OXR1: variants seen among roughly 807,000 people sequenced by gnomAD.
The protein encoded by OXR1 is oxidation resistance 1, also known as oxidation resistance protein 1.
OXR1 carries 41 observed loss-of-function variants against 104.6 expected under a neutral mutation model. The observed-to-expected ratio is 0.39, with a 90% CI of 0.31 to 0.51. OXR1 has a LOEUF of 0.51. Among genes scored for constraint, OXR1 ranks in the 20% least tolerant of loss-of-function variants. The pLI is 0.77. For missense variants in OXR1, 955 were observed against 1,031.9 expected (o/e 0.93, Z 1.02); for synonymous variants, 348 against 348.4 (o/e 1.00, Z 0.01).
chr8:106,347,956 A>G (rs13262796), intron 1 of OXR1, among the ~76,000 whole-genome samples: 54,524 of 151,850 alleles, frequency 0.36, 10,111 homozygotes, highest in Admixed American at 0.44. Flanking sequence ...AAATATGTAC[A>G]AAATGTATAA....
chr8:106,589,382 A>G (rs931207715), intron 3 of OXR1, among the ~76,000 whole-genome samples: 1 of 125,094 alleles, frequency 8.0e-6, no homozygotes, highest in Non-Finnish European at 1.7e-5. Context: ...GTGAACATTT[A>G]TTTTTATGCC....
intron 7 of OXR1, among the ~76,000 whole-genome samples, chr8:106,694,964 A>G (rs1352096504): frequency 7.1e-6 from 1 of 141,728 alleles, no homozygotes; most frequent in Non-Finnish European, 1.5e-5. Flanking sequence ...ATATATATTT[A>G]CATGTATATT....
chr8:106,432,255 G>T (rs1425900084), intron 2 of OXR1, among the ~76,000 whole-genome samples: 1 of 152,082 alleles, frequency 6.6e-6, no homozygotes, highest in African/African-American at 2.4e-5. Flanking sequence ...CAGCCAGATT[G>T]ATCCTTCAAA....
At chr8:106,683,791 A>G (rs1430239853) in intron 5 of OXR1, among the ~76,000 whole-genome samples, 1 of 152,170 alleles carries the variant, frequency 6.6e-6, no homozygotes, top group Non-Finnish European at 1.5e-5. Context: ...ATGGTATTAC[A>G]TTGTATTGAT....
chr8:106,348,048 T>A (rs1815569516), intron 1 of OXR1, among the ~76,000 whole-genome samples: 1 of 152,192 alleles, frequency 6.6e-6, no homozygotes, highest in Non-Finnish European at 1.5e-5. Context: ...GAGCTAGATT[T>A]TGCAAGACTA....
chr8:106,287,775 T>G (rs1812561418), intron 1 of OXR1, among the ~76,000 whole-genome samples: 1 of 152,220 alleles, frequency 6.6e-6, no homozygotes, highest in Non-Finnish European at 1.5e-5. Flanking sequence ...AGTTCTGACC[T>G]TTGTATCTAT....
intron 2 of OXR1, among the ~76,000 whole-genome samples, chr8:106,410,763 A>G (rs1463803120): frequency 6.6e-6 from 1 of 152,148 alleles, no homozygotes; most frequent in Non-Finnish European, 1.5e-5. Context: ...GTGTATAACA[A>G]GCAACTTTAA....
At chr8:106,699,385 T>C (rs1340080382) in intron 7 of OXR1, among the ~76,000 whole-genome samples, 1 of 152,166 alleles carries the variant, frequency 6.6e-6, no homozygotes, top group African/African-American at 2.4e-5. Context: ...CTGGGTTGTT[T>C]GTTTGTTTTG....
chr8:106,596,051 G>T (rs376570584), intron 3 of OXR1, among the ~76,000 whole-genome samples: 1 of 151,648 alleles, frequency 6.6e-6, no homozygotes, highest in Non-Finnish European at 1.5e-5. Flanking sequence ...TTCTACTGAC[G>T]CTTCTTTTCT....
At chr8:106,443,714 A>C (rs1819889222) in intron 2 of OXR1, among the ~76,000 whole-genome samples, 1 of 152,126 alleles carries the variant, frequency 6.6e-6, no homozygotes, top group African/African-American at 2.4e-5. Context: ...GTTTTATAAG[A>C]GACTAGGATT....
chr8:106,530,579 G>A (rs898130646), intron 3 of OXR1, among the ~76,000 whole-genome samples: 2 of 152,172 alleles, frequency 1.3e-5, no homozygotes, highest in African/African-American at 4.8e-5. Flanking sequence ...GTAAAAACCA[G>A]ACACAACTGG....
intron 2 of OXR1, among the ~76,000 whole-genome samples, chr8:106,495,105 T>C (rs187820133): frequency 2.9e-3 from 437 of 152,076 alleles, no homozygotes; most frequent in African/African-American, 9.6e-3. Context: ...TGAATATAGG[T>C]ATTGGTAATA....
chr8:106,705,185 G>A (rs529493534), intron 8 of OXR1, among the ~76,000 whole-genome samples: 2 of 152,138 alleles, frequency 1.3e-5, no homozygotes, highest in South Asian at 4.1e-4. Context: ...TAAATGTACA[G>A]ATAAAATTTC....
intron 1 of OXR1, among the ~76,000 whole-genome samples, chr8:106,293,651 G>C (rs1396443484): frequency 6.6e-6 from 1 of 152,206 alleles, no homozygotes; most frequent in Non-Finnish European, 1.5e-5. Flanking sequence ...AGGCTGGAAA[G>C]TCCAAGATCA....
chr8:106,561,446 T>G (rs1789972), intron 3 of OXR1, among the ~76,000 whole-genome samples: 143,356 of 152,196 alleles, frequency 0.94, 67,606 homozygotes, highest in East Asian at 1. Flanking sequence ...TCTGGGCAGG[T>G]CATCTCTGAA....
chr8:106,442,649 G>A lies in OXR1; in HGVS notation c.24-76294G>A, dbSNP rs1424992992. ...TTCTTCCTGGTTTAGTCTTGATAGG[G>A]TGTATGCGTCCAGGAATTTATCCAT... On this transcript the variant is annotated intron_variant, in intron 2 of 16. Coordinates refer to ENST00000517566, the MANE Select transcript of OXR1 (RefSeq NM_001198533.2). 5.9e-5 allele frequency among the ~76,000 whole-genome samples: 9 copies of A among 152,124 alleles called. No individual in the cohort carries two copies. In the South Asian group the frequency reaches 1.4e-3, roughly 25 times the overall value.
chr8:106,707,080 A>G lies in OXR1; in HGVS notation c.1559A>G (p.Asn520Ser). The change falls in exon 9 of 17, where the codon AAT becomes AGT. Residue 520 changes from asparagine (N) to serine (S), a missense_variant. This residue lies in a region of OXR1 where 849 missense variants were observed against 852.9 expected (regional missense o/e 1.00). Transcript: ENST00000517566. ...TMQQTKQQRE[N>S]IQQVSQKEAK... Reference sequence around the variant, plus strand: ...CAACAAACTAAACAGCAAAGGGAAAATATTCAACAAGTGTCACAAAAAGAA... The same window carrying G: ...CAACAAACTAAACAGCAAAGGGAAAGTATTCAACAAGTGTCACAAAAAGAA... 1 of 1,613,974 alleles carries G rather than the reference A, an allele frequency of 6.2e-7. No individual in the cohort carries two copies. The highest frequency in any genetic ancestry group is 8.5e-7 in the Non-Finnish European group (1 of 1,179,920).
chr8:106,574,517 C>T (rs1458694793), intron 3 of OXR1, among the ~76,000 whole-genome samples: 1 of 152,232 alleles, frequency 6.6e-6, no homozygotes, highest in Non-Finnish European at 1.5e-5. Context: ...CTAAGTAAGT[C>T]TAGGAGATAA....
At chr8:106,347,452 C>T (rs1336138939) in intron 1 of OXR1, among the ~76,000 whole-genome samples, 2 of 152,126 alleles carry the variant, frequency 1.3e-5, no homozygotes, top group Non-Finnish European at 2.9e-5. Context: ...ACAGTAGATG[C>T]AGATGCCTTC....
Sources: gnomAD v4.1 joint callset for allele counts (sites outside exome capture counted in the v4.1 genomes callset) on GRCh38, gnomAD v4.1.1 for gene constraint, gnomAD v4.1.1 regional missense constraint, MANE v1.5 for transcripts, NCBI Gene and HGNC (gene_info 2026-07-23, HGNC 2026-07-21) for gene names.